The following PRKCZ variants were observed in gnomAD, a reference collection of about 807,000 sequenced individuals.
PRKCZ encodes protein kinase C zeta type.
A neutral mutation model predicts 79.5 loss-of-function variants in PRKCZ; 33 were observed. The observed-to-expected ratio is 0.41, with a 90% CI of 0.31 to 0.55. The LOEUF (loss-of-function observed/expected upper bound fraction) is 0.55, where lower values mean the gene tolerates loss of function less well. PRKCZ is among the 20% of genes least tolerant of loss of function. PRKCZ has a pLI of 0.19. For missense variants in PRKCZ, 578 were observed against 813.5 expected (o/e 0.71, Z 3.52); for synonymous variants, 342 against 320.9 (o/e 1.07, Z -0.70).
intron 4 of PRKCZ, among the ~76,000 whole-genome samples, chr1:2,060,758 C>T (rs574086052): frequency 1.6e-4 from 25 of 152,276 alleles, no homozygotes; most frequent in African/African-American, 2.9e-4. Context: ...GGGGTATGTC[C>T]GTGGCAGGCG....
chr1:2,055,771 G>C, intron 2 of PRKCZ: 1 of 668,582 alleles, frequency 1.5e-6, no homozygotes. Context: ...GATGCCCCTA[G>C]GAAGGGCTCT....
intron 1 of PRKCZ, among the ~76,000 whole-genome samples, chr1:2,052,267 C>T (rs1378807406): frequency 1.3e-5 from 2 of 152,174 alleles, no homozygotes; most frequent in Non-Finnish European, 2.9e-5. Context: ...TCTGGGCCGC[C>T]CCGTCCTCCC....
intron 3 of PRKCZ, 30 bp downstream of exon 3, chr1:2,056,603 C>T: frequency 6.3e-7 from 1 of 1,590,578 alleles, no homozygotes; most frequent in African/African-American, 1.3e-5. Context: ...GTGGGCAGCT[C>T]TGGGGGGCTG....
intron 4 of PRKCZ, among the ~76,000 whole-genome samples, chr1:2,063,626 A>G (rs889561834): frequency 6.6e-6 from 1 of 152,094 alleles, no homozygotes; most frequent in African/African-American, 2.4e-5. Flanking sequence ...AATTCTGTTT[A>G]AAGAGCCGCC....
At chr1:2,117,313 A>G (rs1053185526) in intron 4 of PRKCZ, among the ~76,000 whole-genome samples, 16 of 151,452 alleles carry the variant, frequency 1.1e-4, no homozygotes, top group African/African-American at 3.9e-4. Context: ...TTTTGTTCAA[A>G]TGATTCCCTG....
chr1:2,129,163 C>G (rs1043913045), intron 4 of PRKCZ, among the ~76,000 whole-genome samples: 1 of 152,112 alleles, frequency 6.6e-6, no homozygotes, highest in East Asian at 1.9e-4. Context: ...TAGTCAATTG[C>G]CTGAAGTTCG....
At chr1:2,156,776 A>C (rs1202796670) in intron 10 of PRKCZ, 1 of 152,412 alleles carries the variant, frequency 6.6e-6, no homozygotes, top group African/African-American at 2.4e-5. Context: ...TTCCTCCAGC[A>C]ATGAATTGTG....
At chr1:2,065,649 T>G (rs935984617) in intron 4 of PRKCZ, among the ~76,000 whole-genome samples, 2 of 140,392 alleles carry the variant, frequency 1.4e-5, no homozygotes, top group Admixed American at 7.7e-5. Flanking sequence ...ACTGCACTCC[T>G]GCCTGGGCAA....
chr1:2,066,521 T>G lies in PRKCZ; in HGVS notation c.334+6930T>G, dbSNP rs1453884556. ...TCACACCCAGCTGATTTTTGTAATT[T>G]TAGTAGAGATGTGGTTTCACATGTT... On this transcript the variant is annotated intron_variant, in intron 4 of 17. Coordinates refer to ENST00000378567, the MANE Select transcript of PRKCZ (RefSeq NM_002744.6). 1.1e-4 allele frequency among the ~76,000 whole-genome samples: 16 copies of G among 152,316 alleles called. 1 individual carries two copies. The East Asian group carries it at 3.1e-3, about 29-fold the overall frequency.
chr1:2,103,036 A>C (rs763038357), intron 4 of PRKCZ, among the ~76,000 whole-genome samples: 1 of 151,960 alleles, frequency 6.6e-6, no homozygotes, highest in African/African-American at 2.4e-5. Context: ...CGCTTGGCTA[A>C]TTTTTTATTT....
intron 4 of PRKCZ, among the ~76,000 whole-genome samples, chr1:2,117,481 C>T (rs563909721): frequency 6.6e-6 from 1 of 152,002 alleles, no homozygotes. Flanking sequence ...CGGAACCTCT[C>T]TGTGCGCTGC....
intron 1 of PRKCZ, among the ~76,000 whole-genome samples, chr1:2,051,356 G>A (rs1161775306): frequency 6.6e-6 from 1 of 152,214 alleles, no homozygotes; most frequent in Non-Finnish European, 1.5e-5. Context: ...GGGCAGCGCT[G>A]CTGGGGGTGG....
At chr1:2,171,941 G>A in intron 11 of PRKCZ, 114 bp from the exon 12 acceptor site, 1 of 1,308,258 alleles carries the variant, frequency 7.6e-7, no homozygotes, top group Non-Finnish European at 1.0e-6. Flanking sequence ...CCTGGTCATT[G>A]AGAGGATGCC....
chr1:2,182,070 G>T, intron 16 of PRKCZ: 1 of 322,430 alleles, frequency 3.1e-6, no homozygotes, highest in South Asian at 2.3e-5. Flanking sequence ...GGAAGGATTT[G>T]TCTGTTTTGT....
intron 4 of PRKCZ, among the ~76,000 whole-genome samples, chr1:2,070,961 G>A (rs1661524678): frequency 6.6e-6 from 1 of 150,850 alleles, no homozygotes; most frequent in Non-Finnish European, 1.5e-5. Flanking sequence ...GGGCAGAGAG[G>A]GGTCCTTGGC....
At chr1:2,083,747 A>C (rs1443766148) in intron 4 of PRKCZ, among the ~76,000 whole-genome samples, 1 of 152,148 alleles carries the variant, frequency 6.6e-6, no homozygotes, top group Non-Finnish European at 1.5e-5. Flanking sequence ...GCGTTTTAAC[A>C]GCTTTTCCTC....
chr1:2,065,823 A>C (rs1030673626), intron 4 of PRKCZ, among the ~76,000 whole-genome samples: 3 of 152,080 alleles, frequency 2.0e-5, no homozygotes, highest in African/African-American at 7.2e-5. Context: ...ATGTCGAGAT[A>C]GTTTCCTTCT....
Position 2,109,443 on chromosome 1 carries a change from G to A in PRKCZ, c.335-25819G>A, listed in dbSNP as rs573625737. Among the ~76,000 whole-genome samples the A allele has an allele frequency of 2.4e-4, 36 of 152,338 alleles. No homozygotes were observed. In the South Asian group the frequency reaches 2.9e-3, roughly 12 times the overall value. On this transcript the variant is annotated intron_variant, in intron 4 of 17. Transcript: ENST00000378567. ...AAGTGGTGCACACGATACCTGCTCC[G>A]TCCTCCTCACTGAATTGTCCTGAGA...
chr1:2,065,396 C>T (rs1040170051), intron 4 of PRKCZ, among the ~76,000 whole-genome samples: 11 of 152,122 alleles, frequency 7.2e-5, no homozygotes, highest in East Asian at 3.9e-4. Flanking sequence ...GTGGTGTGAT[C>T]GGCCGGGCGC....
Sources: gnomAD v4.1 joint callset for allele counts (sites outside exome capture counted in the v4.1 genomes callset) on GRCh38, gnomAD v4.1.1 for gene constraint, MANE v1.5 for transcripts, NCBI Gene and HGNC (gene_info 2026-07-23, HGNC 2026-07-21) for gene names.